Variants in AGMO observed in about 807,000 individuals in gnomAD.
AGMO encodes the protein glyceryl-ether monooxygenase.
A neutral mutation model predicts 60.2 loss-of-function variants in AGMO; 75 were observed. The observed-to-expected ratio is 1.25, with a 90% CI of 1.03 to 1.51. AGMO has a LOEUF of 1.51. Ranked by LOEUF, AGMO falls within the 40% of genes most tolerant of loss-of-function variation. AGMO has a pLI of 0.00. For synonymous variants in AGMO, 261 were observed against 177.1 expected, an observed-to-expected ratio of 1.47 and a Z score of -3.76; for missense variants, 763 against 525.5, an observed-to-expected ratio of 1.45 and a Z score of -4.42.
At chr7:15,502,009 T>C (rs1201107141) in intron 3 of AGMO, among the ~76,000 whole-genome samples, 4 of 152,054 alleles carry the variant, frequency 2.6e-5, no homozygotes, top group Non-Finnish European at 5.9e-5. Flanking sequence ...GGAGGCAGTA[T>C]GCACTCTCAA....
At chr7:15,527,860 A>ATTACAGCACATCTGT (rs1346530767) in intron 3 of AGMO, among the ~76,000 whole-genome samples, 5 of 152,144 alleles carry the variant, frequency 3.3e-5, no homozygotes, top group Non-Finnish European at 1.5e-5. Flanking sequence ...CAAAGCCTGG[A>ATTACAGCACATCTGT]TTACAGCACA....
chr7:15,213,253 C>G (rs1341227313), intron 12 of AGMO, among the ~76,000 whole-genome samples: 1 of 151,650 alleles, frequency 6.6e-6, no homozygotes, highest in Non-Finnish European at 1.5e-5. Flanking sequence ...GTTTGATATC[C>G]TAGAAAAAAC....
the AGMO span, among the ~76,000 whole-genome samples, chr7:15,160,352 G>T: frequency 2.0e-5 from 3 of 152,184 alleles, no homozygotes; most frequent in East Asian, 3.9e-4. Flanking sequence ...TAGTAACTTT[G>T]ATAGTAAATT....
chr7:15,141,627 A>G, the AGMO span, among the ~76,000 whole-genome samples: 9 of 152,056 alleles, frequency 5.9e-5, no homozygotes, highest in Admixed American at 5.9e-4. Flanking sequence ...ACTATGTGTT[A>G]TGCAAGACCT....
chr7:15,347,797 TGA>T (rs1782088175), intron 12 of AGMO, among the ~76,000 whole-genome samples: 1 of 152,052 alleles, frequency 6.6e-6, no homozygotes, highest in Non-Finnish European at 1.5e-5. Flanking sequence ...TTATGACTCC[TGA>T]GAGTTTCAGT....
the AGMO span, among the ~76,000 whole-genome samples, chr7:15,151,964 T>A: frequency 6.6e-6 from 1 of 152,158 alleles, no homozygotes; most frequent in East Asian, 1.9e-4. Flanking sequence ...TCCAATTGCA[T>A]TCTGAAATTT....
intron 10 of AGMO, among the ~76,000 whole-genome samples, chr7:15,377,319 G>C (rs565653433): frequency 3.3e-5 from 5 of 152,056 alleles, no homozygotes; most frequent in Non-Finnish European, 5.9e-5. Context: ...TCTACTTTCA[G>C]TTTGTAAAGG....
intron 12 of AGMO, among the ~76,000 whole-genome samples, chr7:15,268,627 A>C (rs1783504862): frequency 6.6e-6 from 1 of 152,016 alleles, no homozygotes; most frequent in Non-Finnish European, 1.5e-5. Context: ...GAGTGTGGAA[A>C]TTTTCTGTGA....
At chr7:15,380,582 T>C (rs1256344183) in intron 10 of AGMO, among the ~76,000 whole-genome samples, 1 of 152,132 alleles carries the variant, frequency 6.6e-6, no homozygotes, top group Non-Finnish European at 1.5e-5. Context: ...AATGGCCATA[T>C]TGCTCAAAGC....
chr7:15,364,608 G>C (rs950486684), intron 12 of AGMO, among the ~76,000 whole-genome samples: 2 of 152,038 alleles, frequency 1.3e-5, no homozygotes, highest in Non-Finnish European at 2.9e-5. Context: ...TCGCGTGTGT[G>C]AGTATATCAT....
intron 3 of AGMO, among the ~76,000 whole-genome samples, chr7:15,543,057 A>T (rs1288471519): frequency 6.6e-6 from 1 of 152,072 alleles, no homozygotes; most frequent in Non-Finnish European, 1.5e-5. Context: ...TCACTCCTAC[A>T]CAGAGAGCTC....
At chr7:15,133,920 CA>C in the AGMO span, among the ~76,000 whole-genome samples, 2 of 152,100 alleles carry the variant, frequency 1.3e-5, no homozygotes, top group Non-Finnish European at 2.9e-5. Context: ...CTTCTTTTCC[CA>C]AATATACTGT....
At chr7:15,555,292 T>TACAC (rs58173194) in intron 2 of AGMO, among the ~76,000 whole-genome samples, 3,570 of 95,754 alleles carry the variant, frequency 0.037, 92 homozygotes, top group Non-Finnish European at 0.055. Flanking sequence ...TATATATATA[T>TACAC]ACACACACAC....
At chr7:15,460,402 A>ATTTT (rs1454337370) in intron 3 of AGMO, among the ~76,000 whole-genome samples, 1 of 151,930 alleles carries the variant, frequency 6.6e-6, no homozygotes, top group Admixed American at 6.6e-5. Flanking sequence ...ATACTTTTAA[A>ATTTT]TTTTTCACAT....
At chr7:15,432,361 T>TATACATACATATATATACACAC (rs370437254) in intron 3 of AGMO, among the ~76,000 whole-genome samples, 1 of 123,940 alleles carries the variant, frequency 8.1e-6, no homozygotes, top group African/African-American at 3.0e-5. Flanking sequence ...CATATATATA[T>TATACATACATATATATACACAC]ACACACACAT....
chr7:15,340,393 A>T (rs1418347919), intron 12 of AGMO, among the ~76,000 whole-genome samples: 1 of 152,174 alleles, frequency 6.6e-6, no homozygotes, highest in African/African-American at 2.4e-5. Context: ...TTAAGACTTC[A>T]GGTCGGCTCT....
At chr7:15,497,739 C>A in intron 3 of AGMO, among the ~76,000 whole-genome samples, 1 of 151,970 alleles carries the variant, frequency 6.6e-6, no homozygotes, top group Non-Finnish European at 1.5e-5. Context: ...CTATATATTT[C>A]CTCAACTCAG....
At chr7:15,390,432 T>G (rs1452461188) in intron 8 of AGMO, among the ~76,000 whole-genome samples, 1 of 152,226 alleles carries the variant, frequency 6.6e-6, no homozygotes, top group Non-Finnish European at 1.5e-5. Flanking sequence ...AGAAGCCACT[T>G]TATTTTTCAT....
chr7:15,326,206 TACAGTTA>T (rs1781335346), intron 12 of AGMO, among the ~76,000 whole-genome samples: 1 of 152,176 alleles, frequency 6.6e-6, no homozygotes, highest in African/African-American at 2.4e-5. Context: ...TGATAAAACT[TACAGTTA>T]ACTTTTACCA....
Sources: allele counts gnomAD v4.1 joint callset (sites outside exome capture counted in the v4.1 genomes callset), GRCh38; gene constraint gnomAD v4.1.1; transcripts MANE v1.5; gene names NCBI Gene and HGNC (gene_info 2026-07-23, HGNC 2026-07-21).